The following WDFY4 variants were observed in gnomAD, a reference collection of about 807,000 sequenced individuals.
The protein encoded by WDFY4 is WDFY family member 4, also known as WD repeat- and FYVE domain-containing protein 4.
Under a neutral mutation model 351.9 loss-of-function variants are expected in WDFY4, and 169 were observed. The observed-to-expected ratio is 0.48, with a 90% CI of 0.42 to 0.55. The LOEUF (loss-of-function observed/expected upper bound fraction) is 0.55, where lower values mean the gene tolerates loss of function less well. Among genes scored for constraint, WDFY4 ranks in the 20% least tolerant of loss-of-function variants. WDFY4 has a pLI of 0.00. For synonymous variants in WDFY4, 1,622 were observed against 1,574.6 expected, an observed-to-expected ratio of 1.03 and a Z score of -0.71; for missense variants, 3,803 against 3,935.6, an observed-to-expected ratio of 0.97 and a Z score of 0.90.
At chr10:48,941,471 C>T (rs116772620) in intron 47 of WDFY4, among the ~76,000 whole-genome samples, 13 of 152,132 alleles carry the variant, frequency 8.5e-5, no homozygotes, top group African/African-American at 2.4e-4. Flanking sequence ...TAAAGAAGGC[C>T]GAGATGTGGC....
At chr10:48,981,653 G>A (rs1459153066) in intron 61 of WDFY4, among the ~76,000 whole-genome samples, 175 bp downstream of exon 61, 5 of 152,326 alleles carry the variant, frequency 3.3e-5, no homozygotes, top group South Asian at 4.1e-4. Context: ...CCCAGGAAAC[G>A]TTTTTCAGGG....
At chr10:48,865,187 A>T (rs1441589688) in intron 39 of WDFY4, among the ~76,000 whole-genome samples, 1 of 152,218 alleles carries the variant, frequency 6.6e-6, no homozygotes, top group Non-Finnish European at 1.5e-5. Context: ...ATGTTGTATA[A>T]TGTTGGCTGT....
At chr10:48,906,300 A>T (rs1047532037) in intron 47 of WDFY4, among the ~76,000 whole-genome samples, 1 of 150,596 alleles carries the variant, frequency 6.6e-6, no homozygotes, top group African/African-American at 2.5e-5. Flanking sequence ...CATCCCACAC[A>T]TACAGGAAAA....
At chr10:48,851,456 C>T (rs2068954485) in intron 39 of WDFY4, among the ~76,000 whole-genome samples, 2 of 152,134 alleles carry the variant, frequency 1.3e-5, no homozygotes, top group South Asian at 2.1e-4. Context: ...ATCACATGTC[C>T]GTTCATGGCC....
rs10857658 is a variant in WDFY4, at chr10:48,923,506, A to G, written c.7587-18300A>G. Among the ~76,000 whole-genome samples, 17 of 115,164 alleles carry G rather than the reference A, an allele frequency of 1.5e-4. 2 individuals carry two copies. The highest frequency in any genetic ancestry group is 2.3e-4 in the Non-Finnish European group (12 of 51,214). The allele number at this position is 115,164 out of a possible 152,430, so 75.6% of individuals were successfully genotyped here. ...AACAAATAGTTTTTAGTATATATAT[A>G]TATATATGTCCCAAATACCGCATAG... On this transcript the variant is annotated intron_variant, in intron 47 of 61. Transcript: ENST00000325239.
chr10:48,717,195 G>A (rs1293612406), intron 2 of WDFY4, among the ~76,000 whole-genome samples: 1 of 152,166 alleles, frequency 6.6e-6, no homozygotes, highest in Non-Finnish European at 1.5e-5. Flanking sequence ...ATGGCACTGA[G>A]GCCCAAAACA....
intron 36 of WDFY4, among the ~76,000 whole-genome samples, 183 bp from the exon 37 acceptor site, chr10:48,828,595 C>T (rs1487964228): frequency 2.0e-5 from 3 of 152,184 alleles, no homozygotes; most frequent in Non-Finnish European, 2.9e-5. Flanking sequence ...TTCAGAATGC[C>T]ACTCTAAAAT....
intron 12 of WDFY4, among the ~76,000 whole-genome samples, chr10:48,756,285 G>T (rs10857634): frequency 0.23 from 34,653 of 151,842 alleles, 4,075 homozygotes; most frequent in African/African-American, 0.29. Context: ...CACTTCCAAA[G>T]GGTATTTAAA....
chr10:48,825,038 T>G (rs566411996), intron 35 of WDFY4, among the ~76,000 whole-genome samples: 3 of 152,242 alleles, frequency 2.0e-5, no homozygotes, highest in African/African-American at 7.2e-5. Context: ...AGTGGTTTGC[T>G]GCACCTATCA....
intron 30 of WDFY4, among the ~76,000 whole-genome samples, chr10:48,812,161 CCTTT>C (rs1040753769): frequency 6.6e-6 from 1 of 151,014 alleles, no homozygotes; most frequent in Non-Finnish European, 1.5e-5. Context: ...CCATAGTTAT[CCTTT>C]CTTTCTTTCT....
intron 47 of WDFY4, among the ~76,000 whole-genome samples, chr10:48,929,042 G>T (rs1207239951): frequency 6.6e-6 from 1 of 152,200 alleles, no homozygotes; most frequent in East Asian, 1.9e-4. Context: ...ATAGAGATTA[G>T]AAGAGAAGAG....
At position 48,877,036 on chromosome 10, in the gene WDFY4, A is replaced by C; in HGVS notation, c.7004A>C (p.Glu2335Ala). 6.7e-7 allele frequency: 1 copy of C among 1,483,930 alleles called. No individual in the cohort carries two copies. Among genetic ancestry groups the C allele is most frequent in the Non-Finnish European group, 9.0e-7 (1 of 1,114,882 alleles). 91.9% of individuals were successfully genotyped at this position (1,483,930 alleles called of 1,614,324 possible). ...ISQTNAENQDELTLREAEGEP... is the reference protein window; with the variant it reads ...ISQTNAENQDALTLREAEGEP... ...GTGTCCCTTTATGCTGCTGCAGATGAACTGACACTGAGGGAGGCTGAGGGC... is the reference window on the plus strand; with the variant it reads ...GTGTCCCTTTATGCTGCTGCAGATGCACTGACACTGAGGGAGGCTGAGGGC... Residue 2335 changes from glutamate to alanine, a missense_variant, in exon 43 of 62, where the codon GAA (glutamate) becomes GCA (alanine). By Grantham distance (107) the Glu-to-Ala change is moderately radical. Around this residue, in one of 3 missense-constraint regions of WDFY4, gnomAD observed 3,054 missense variants for 3,148.6 expected, o/e 0.97. Coordinates refer to ENST00000325239, the MANE Select transcript of WDFY4 (RefSeq NM_001394531.1).
chr10:48,971,085 G>T (rs1368022147), intron 57 of WDFY4, among the ~76,000 whole-genome samples: 4 of 152,124 alleles, frequency 2.6e-5, no homozygotes, highest in African/African-American at 9.7e-5. Flanking sequence ...AACCCCATGC[G>T]CTCTCCCTGC....
At chr10:48,708,212 G>T (rs1306218398) in intron 1 of WDFY4, among the ~76,000 whole-genome samples, 3 of 152,184 alleles carry the variant, frequency 2.0e-5, no homozygotes, top group African/African-American at 7.2e-5. Context: ...AGAGTAAGCA[G>T]TCTGTGTGCT....
intron 39 of WDFY4, among the ~76,000 whole-genome samples, chr10:48,841,293 G>C (rs1482430892): frequency 6.6e-6 from 1 of 151,904 alleles, no homozygotes; most frequent in Non-Finnish European, 1.5e-5. Context: ...ACTGCACTTT[G>C]TGCTTTTTTC....
At chr10:48,729,948 A>G (rs1185989270) in intron 8 of WDFY4, among the ~76,000 whole-genome samples, 1 of 152,190 alleles carries the variant, frequency 6.6e-6, no homozygotes, top group Non-Finnish European at 1.5e-5. Flanking sequence ...GATGAACTCA[A>G]TCAGCAGGCA....
intron 4 of WDFY4, among the ~76,000 whole-genome samples, chr10:48,722,731 C>A (rs2064134219): frequency 6.6e-6 from 1 of 152,236 alleles, no homozygotes; most frequent in Admixed American, 6.5e-5. Context: ...CACACACGCA[C>A]ACACAGAGGG....
At position 48,731,203 on chromosome 10, in the gene WDFY4, T is replaced by A. The variant is rs1242529892; in HGVS notation, c.1223T>A (p.Val408Asp). ...GTCCTCTGCATACAAGTCTTGTCAG[T>A]CATCAGGACCATGTGGGCCTGGAAT... ...DSVLCIQVLSVIRTMWAWNAR... is the reference protein window; with the variant it reads ...DSVLCIQVLSDIRTMWAWNAR... The change falls in exon 9 of 62, where the codon GTC (valine) becomes GAC (aspartate). Residue 408 changes from valine to aspartate, a missense_variant. By Grantham distance (152) the Val-to-Asp change is radical. This residue lies in a region of WDFY4 where 261 missense variants were observed against 330.2 expected (regional missense o/e 0.79). Coordinates refer to ENST00000325239, the MANE Select transcript of WDFY4 (RefSeq NM_001394531.1). 13 of 1,551,818 alleles carry A rather than the reference T, an allele frequency of 8.4e-6. No homozygotes were observed. In the East Asian group the frequency reaches 2.9e-4, roughly 35 times the overall value.
intron 1 of WDFY4, among the ~76,000 whole-genome samples, chr10:48,690,483 T>A (rs947393174): frequency 6.6e-6 from 1 of 152,078 alleles, no homozygotes; most frequent in Non-Finnish European, 1.5e-5. Context: ...GATGCAGTCA[T>A]GTGGAGGGTG....
Sources: gnomAD v4.1 joint callset for allele counts (sites outside exome capture counted in the v4.1 genomes callset) on GRCh38, gnomAD v4.1.1 for gene constraint, gnomAD v4.1.1 regional missense constraint, MANE v1.5 for transcripts, NCBI Gene and HGNC (gene_info 2026-07-23, HGNC 2026-07-21) for gene names.